Variants in DZIP3 observed in about 807,000 individuals in gnomAD.
The protein encoded by DZIP3 is E3 ubiquitin-protein ligase DZIP3.
A neutral mutation model predicts 162.0 loss-of-function variants in DZIP3; 118 were observed. That is an observed-to-expected ratio of 0.73 (90% CI 0.63 to 0.85). The LOEUF (loss-of-function observed/expected upper bound fraction) is 0.85, where lower values mean the gene tolerates loss of function less well. Among genes scored for constraint, DZIP3 ranks in the 40% least tolerant of loss-of-function variants. The pLI, the probability that DZIP3 is intolerant of heterozygous loss-of-function variation, is 0.00. For synonymous variants in DZIP3, 438 were observed against 458.6 expected (o/e 0.96, Z 0.57); for missense variants, 1,331 against 1,407.0 (o/e 0.95, Z 0.86).
intron 2 of DZIP3, 64 bp downstream of exon 2, chr3:108,605,502 A>G (rs1338476039): frequency 5.2e-6 from 8 of 1,548,264 alleles, no homozygotes; most frequent in Non-Finnish European, 7.1e-6. Flanking sequence ...CAATTTTTCC[A>G]CGGATGGTGG....
intron 2 of DZIP3, among the ~76,000 whole-genome samples, chr3:108,607,311 G>A (rs142537800): frequency 6.6e-6 from 1 of 152,252 alleles, no homozygotes; most frequent in African/African-American, 2.4e-5. Context: ...TCAAATGAAT[G>A]CATAAATGTA....
intron 8 of DZIP3, among the ~76,000 whole-genome samples, chr3:108,629,697 T>A (rs1464792440): frequency 1.3e-5 from 2 of 151,962 alleles, no homozygotes; most frequent in Non-Finnish European, 2.9e-5. Context: ...GCACACTTAT[T>A]TGTACTCTGG....
intron 5 of DZIP3, among the ~76,000 whole-genome samples, chr3:108,621,848 A>T (rs1418227937): frequency 6.6e-6 from 1 of 152,170 alleles, no homozygotes; most frequent in Non-Finnish European, 1.5e-5. Context: ...CAAGATTTGA[A>T]AGCAACCTAA....
chr3:108,616,555 T>C lies in DZIP3; in HGVS notation c.273T>C (p.Ala91=). 1 of 1,608,830 alleles carries C rather than the reference T, an allele frequency of 6.2e-7. No homozygotes were observed. Among genetic ancestry groups the C allele is most frequent in the Non-Finnish European group, 8.5e-7 (1 of 1,177,946 alleles). Residue 91 remains alanine (A), a synonymous_variant, in exon 5 of 33, where the codon GCT becomes GCC. Transcript: ENST00000361582. ...ATTTTCCACAGAGAGAAGTTGCAGC[T>C]AACAGCCAGAATGGTGAGGAAATTG... ...SFQTMQREVA[A]NSQNGEEIVP...
chr3:108,631,055 A>ACACACACATACACACTCTCTCTCTCT, intron 8 of DZIP3, among the ~76,000 whole-genome samples: 3 of 18,006 alleles, frequency 1.7e-4, no homozygotes, highest in African/African-American at 8.5e-4. Flanking sequence ...ACACACACAC[A>ACACACACATACACACTCTCTCTCTCT]CTCTCTCTCT....
At position 108,644,429 on chromosome 3, in the gene DZIP3, C is replaced by T. The variant is rs1942531748; in HGVS notation, c.1407C>T (p.Leu469=). Residue 469 remains leucine (L), a synonymous_variant, in exon 14 of 33, where the codon CTC becomes CTT. Coordinates refer to ENST00000361582, the MANE Select transcript of DZIP3 (RefSeq NM_014648.4). ...LPQSKQFDLC[L]LLALIKHLNV... ...AATCCAAACAGTTTGACTTATGCCT[C>T]CTGTTAGCTCTTATAAAACATTTAA... The T allele has an allele frequency of 6.2e-7, 1 of 1,613,922 alleles. No individual in the cohort carries two copies. The highest frequency in any genetic ancestry group is 8.5e-7 in the Non-Finnish European group (1 of 1,179,982).
chr3:108,687,659 A>G (rs1284190109), intron 28 of DZIP3, among the ~76,000 whole-genome samples: 1 of 152,220 alleles, frequency 6.6e-6, no homozygotes, highest in African/African-American at 2.4e-5. Flanking sequence ...CAATGCATAA[A>G]TAAGTGGATA....
At chr3:108,635,544 AAGTTATAAT>A (rs1486503386) in intron 10 of DZIP3, among the ~76,000 whole-genome samples, 4 of 147,460 alleles carry the variant, frequency 2.7e-5, no homozygotes, top group African/African-American at 9.8e-5. Flanking sequence ...ATAATTATAT[AAGTTATAAT>A]TATATATAAC....
chr3:108,670,581 G>A (rs1264674898), intron 22 of DZIP3, among the ~76,000 whole-genome samples: 1 of 151,850 alleles, frequency 6.6e-6, no homozygotes, highest in African/African-American at 2.4e-5. Flanking sequence ...TATGAATACT[G>A]TTATCAATAT....
At position 108,608,503 on chromosome 3, in the gene DZIP3, G is replaced by A. The variant is rs981436593; in HGVS notation, c.102+345G>A. 5.9e-5 allele frequency among the ~76,000 whole-genome samples: 9 copies of A among 152,034 alleles called. 1 individual carries two copies. In the East Asian group the frequency reaches 1.7e-3, roughly 29 times the overall value. ...AAAACAAAACCTATATACATATAAA[G>A]AAAACACACATACACACATACAGAA... On this transcript the variant is annotated intron_variant, in intron 3 of 32. Coordinates refer to ENST00000361582, the MANE Select transcript of DZIP3 (RefSeq NM_014648.4).
intron 12 of DZIP3, among the ~76,000 whole-genome samples, chr3:108,640,871 A>T (rs965942805): frequency 5.9e-5 from 9 of 152,082 alleles, no homozygotes; most frequent in East Asian, 5.8e-4. Context: ...CATTTACTTC[A>T]ACCTATGTAT....
Position 108,636,627 on chromosome 3 carries a change from GA to G in DZIP3, c.936del (p.Lys312AsnfsTer3). 6 of 1,554,138 alleles carry G rather than the reference GA, an allele frequency of 3.9e-6. No individual in the cohort carries two copies. Among genetic ancestry groups the G allele is most frequent in the East Asian group, 2.4e-5 (1 of 42,188 alleles). ...ATTAATAAATTTAGAGTTTTAGTGGGAAAAAATGTTTGAAGGAAGGATGTAC... is the reference window on the plus strand; with the variant it reads ...ATTAATAAATTTAGAGTTTTAGTGGGAAAAATGTTTGAAGGAAGGATGTAC... ...PGENDQSFSGKKCLKEGCTGD... is the reference protein window; with the variant it reads ...PGENDQSFSGXKCLKEGCTGD... On this transcript the variant is annotated frameshift_variant, in exon 11 of 33. Transcript: ENST00000361582. LOFTEE classifies it high-confidence loss of function.
At chr3:108,640,040 T>C (rs940091911) in intron 12 of DZIP3, among the ~76,000 whole-genome samples, 2 of 152,136 alleles carry the variant, frequency 1.3e-5, no homozygotes, top group African/African-American at 4.8e-5. Flanking sequence ...TCTTTAGGAG[T>C]ATTTGTTTAA....
In DZIP3 at chr3:108,654,207, G is replaced by C. The variant is rs750342249; in HGVS notation, c.2096G>C (p.Ser699Thr). The C allele has an allele frequency of 1.2e-6, 2 of 1,613,778 alleles. No individual in the cohort carries two copies. The highest frequency in any genetic ancestry group is 2.2e-5 in the South Asian group (2 of 91,076). Residue 699 changes from serine (S) to threonine (T), a missense_variant, in exon 19 of 33, where the codon AGT becomes ACT. Around this residue, in one of 2 missense-constraint regions of DZIP3, gnomAD observed 1,278 missense variants for 1,317.1 expected, o/e 0.97. Transcript: ENST00000361582. ...GAACAAGCAAATCCACACTCAGTCAGTAGACTTATAAAAGATGATGCAAGT... is the reference window on the plus strand; with the variant it reads ...GAACAAGCAAATCCACACTCAGTCACTAGACTTATAAAAGATGATGCAAGT... The part of the protein sequence containing the change: ...RKEQANPHSV[S>T]RLIKDDASDV...
chr3:108,667,889 G>A (rs1034018650), intron 21 of DZIP3, among the ~76,000 whole-genome samples: 1 of 152,070 alleles, frequency 6.6e-6, no homozygotes, highest in African/African-American at 2.4e-5. Context: ...TGAAGGTTAG[G>A]TGGGATGAGA....
intron 1 of DZIP3, among the ~76,000 whole-genome samples, chr3:108,594,434 T>TC (rs1166882131): frequency 1.3e-3 from 99 of 73,608 alleles, no homozygotes; most frequent in East Asian, 3.5e-3. Flanking sequence ...CCCTCCCTGC[T>TC]CCCCCCCCAT....
chr3:108,594,948 T>C (rs1221810585), intron 1 of DZIP3, among the ~76,000 whole-genome samples: 1 of 152,214 alleles, frequency 6.6e-6, no homozygotes, highest in Non-Finnish European at 1.5e-5. Flanking sequence ...CCATTTCACT[T>C]AAAAAATGTA....
At chr3:108,649,461 C>T (rs1246780369) in intron 17 of DZIP3, among the ~76,000 whole-genome samples, 2 of 151,854 alleles carry the variant, frequency 1.3e-5, no homozygotes, top group Admixed American at 1.3e-4. Flanking sequence ...GCAAAATGAA[C>T]AAGTCAGTAT....
chr3:108,618,036 G>C (rs541238168), intron 5 of DZIP3, among the ~76,000 whole-genome samples: 1 of 152,268 alleles, frequency 6.6e-6, no homozygotes, highest in South Asian at 2.1e-4. Context: ...GTCCTTCAAG[G>C]CCACCAAAAA....
Sources: gnomAD v4.1 joint callset for allele counts (sites outside exome capture counted in the v4.1 genomes callset) on GRCh38, gnomAD v4.1.1 for gene constraint, gnomAD v4.1.1 regional missense constraint, MANE v1.5 for transcripts, NCBI Gene and HGNC (gene_info 2026-07-23, HGNC 2026-07-21) for gene names.